IL4R: variants seen among roughly 807,000 people sequenced by gnomAD.
IL4R encodes interleukin 4 receptor.
A neutral mutation model predicts 41.5 loss-of-function variants in IL4R; 17 were observed. The observed-to-expected ratio is 0.41, with a 90% CI of 0.28 to 0.61. The LOEUF is 0.61. Among genes scored for constraint, IL4R ranks in the 20% least tolerant of loss-of-function variants. The pLI is 0.31. For synonymous variants in IL4R, 402 were observed against 422.9 expected (o/e 0.95, Z 0.61); for missense variants, 974 against 1,043.1 (o/e 0.93, Z 0.91).
chr16:27,317,243 A>T (rs1334851941), intron 1 of IL4R, among the ~76,000 whole-genome samples: 1 of 152,094 alleles, frequency 6.6e-6, no homozygotes, highest in African/African-American at 2.4e-5. Flanking sequence ...TTTGAGCTTT[A>T]TTGGTTGGGA....
intron 1 of IL4R, among the ~76,000 whole-genome samples, chr16:27,322,086 T>C (rs28549978): frequency 0.016 from 2,405 of 146,930 alleles, 75 homozygotes; most frequent in African/African-American, 0.057. Context: ...TATCTATATT[T>C]GTTATGTCAC....
chr16:27,328,205 C>CA lies in IL4R; in HGVS notation c.-151-1843dup, dbSNP rs779355998. On this transcript the variant is annotated intron_variant, in intron 1 of 10. Transcript: ENST00000395762. ...CTGGTGACAAAGCTAGGCTCCATCT[C>CA]AAAAAAAAAAAAAAAAAAGATTGTT... is the stretch of plus-strand genomic sequence containing the variant. 2.4e-3 allele frequency among the ~76,000 whole-genome samples: 169 copies of CA among 70,328 alleles called. 1 individual carries two copies. The highest frequency in any genetic ancestry group is 5.5e-3 in the East Asian group (11 of 2,010). The allele number at this position is 70,328 out of a possible 152,430, so 46.1% of individuals were successfully genotyped here. A position where few individuals can be genotyped will look rare whatever the true frequency, so the allele number is the denominator to read the frequency against.
At chr16:27,332,903 T>C (rs1478496363) in intron 2 of IL4R, among the ~76,000 whole-genome samples, 1 of 152,102 alleles carries the variant, frequency 6.6e-6, no homozygotes, top group Non-Finnish European at 1.5e-5. Flanking sequence ...TTAGTTTCTC[T>C]TGTGATTTCT....
At chr16:27,360,485 T>C (rs1162195124) in intron 9 of IL4R, among the ~76,000 whole-genome samples, 1 of 152,208 alleles carries the variant, frequency 6.6e-6, no homozygotes, top group African/African-American at 2.4e-5. Flanking sequence ...TTCCATCACA[T>C]TCTATGGGCC....
rs1197333986 is a variant in IL4R, at chr16:27,345,557, A to C, written c.361+537A>C. On this transcript the variant is annotated intron_variant, in intron 5 of 10. Transcript: ENST00000395762. The surrounding 1 kb of genome is among the most constrained non-coding windows in gnomAD (Gnocchi z 4.5). Reference sequence around the variant, plus strand: ...AATAAAAACCTGAGGTCTCATGGATATGATTGCTTCAAAGGAGACCAAGTT... The same window carrying C: ...AATAAAAACCTGAGGTCTCATGGATCTGATTGCTTCAAAGGAGACCAAGTT... 4.4e-6 allele frequency: 1 copy of C among 225,546 alleles called. No homozygotes were observed. The highest frequency in any genetic ancestry group is 9.1e-6 in the Non-Finnish European group (1 of 109,948). The allele number at this position is 225,546 out of a possible 1,614,324, so 14.0% of individuals were successfully genotyped here. A position where few individuals can be genotyped will look rare whatever the true frequency, so the allele number is the denominator to read the frequency against.
chr16:27,330,878 C>T (rs141550205), intron 2 of IL4R, among the ~76,000 whole-genome samples: 1 of 152,184 alleles, frequency 6.6e-6, no homozygotes, highest in African/African-American at 2.4e-5. Flanking sequence ...CTCTAATGAG[C>T]TGTGAACCCC....
At chr16:27,343,743 A>G (rs1473007703) in intron 4 of IL4R, among the ~76,000 whole-genome samples, 1 of 152,156 alleles carries the variant, frequency 6.6e-6, no homozygotes, top group Non-Finnish European at 1.5e-5. Flanking sequence ...CTTTATCTTA[A>G]TTGAAATAAT....
At chr16:27,332,443 C>T (rs2085138135) in intron 2 of IL4R, among the ~76,000 whole-genome samples, 1 of 152,080 alleles carries the variant, frequency 6.6e-6, no homozygotes, top group South Asian at 2.1e-4. Flanking sequence ...TAATCACCTC[C>T]CATGAGGTCC....
chr16:27,348,336 C>G (rs1356996955), intron 6 of IL4R, among the ~76,000 whole-genome samples: 1 of 152,174 alleles, frequency 6.6e-6, no homozygotes, highest in Admixed American at 6.5e-5. Context: ...TCTCATGCCC[C>G]AGGCCTGTGC....
At chr16:27,356,777 C>T (rs3024649) in intron 8 of IL4R, among the ~76,000 whole-genome samples, 1,586 of 152,210 alleles carry the variant, frequency 0.01, 33 homozygotes, top group African/African-American at 0.036. Flanking sequence ...TGGTAGCTGG[C>T]GGCCGACAAG....
In IL4R at chr16:27,345,717, T is replaced by C. The variant is rs1321921226; in HGVS notation, c.361+697T>C. ...CGGGTGTGGTGGTTCATGCCTATAA[T>C]CCCAGCACTTTGGGAGGCCGAGCCC... On this transcript the variant is annotated intron_variant, in intron 5 of 10. Transcript: ENST00000395762. The surrounding 1 kb of genome is among the most constrained non-coding windows in gnomAD (Gnocchi z 4.5). 1.3e-5 allele frequency: 2 copies of C among 154,616 alleles called. No homozygotes were observed. Among genetic ancestry groups the C allele is most frequent in the Non-Finnish European group, 2.9e-5 (2 of 69,614 alleles). 9.6% of individuals were successfully genotyped at this position (154,616 alleles called of 1,614,324 possible).
chr16:27,350,938 G>A (rs749000988), intron 6 of IL4R, among the ~76,000 whole-genome samples: 4 of 152,270 alleles, frequency 2.6e-5, no homozygotes, highest in Admixed American at 6.5e-5. Context: ...TTCAGTCATC[G>A]CTGTCTTAGT....
In IL4R at chr16:27,364,096, A is replaced by C; in HGVS notation, c.*266A>C. Reference sequence around the variant, plus strand: ...GCCCCACGGCAGGCCCCTGCAGGAAAACTGAGGCCCTTGGGCACCTCGACT... The same window carrying C: ...GCCCCACGGCAGGCCCCTGCAGGAACACTGAGGCCCTTGGGCACCTCGACT... On this transcript the variant is annotated 3_prime_UTR_variant, in exon 11 of 11. Coordinates refer to ENST00000395762, the MANE Select transcript of IL4R (RefSeq NM_000418.4). 1 of 437,598 alleles carries C rather than the reference A, an allele frequency of 2.3e-6. No homozygotes were observed. Among genetic ancestry groups the C allele is most frequent in the Non-Finnish European group, 4.1e-6 (1 of 245,680 alleles). 27.1% of individuals were successfully genotyped at this position (437,598 alleles called of 1,614,324 possible). A position where few individuals can be genotyped will look rare whatever the true frequency, so the allele number is the denominator to read the frequency against.
intron 2 of IL4R, among the ~76,000 whole-genome samples, chr16:27,339,212 C>G (rs2085358157): frequency 6.6e-6 from 1 of 152,094 alleles, no homozygotes; most frequent in African/African-American, 2.4e-5. Flanking sequence ...TCACTATATT[C>G]CCTAGGCTGG....
intron 2 of IL4R, among the ~76,000 whole-genome samples, chr16:27,332,935 G>A (rs547936576): frequency 2.6e-5 from 4 of 151,698 alleles, no homozygotes; most frequent in South Asian, 4.2e-4. Context: ...TATGTTATTC[G>A]GAAGTGTGTT....
chr16:27,314,087 G>A (rs1024381081), intron 1 of IL4R, 67 bp downstream of exon 1: 4 of 985,094 alleles, frequency 4.1e-6, no homozygotes, highest in Admixed American at 6.2e-5. Flanking sequence ...GGCTGAGGGC[G>A]TTCGGGAAGG....
chr16:27,355,672 GGTGGAGGGGTGGTCGGCGGTCAGATC>G, intron 7 of IL4R, 110 bp from the exon 8 acceptor site: 2 of 612,706 alleles, frequency 3.3e-6, no homozygotes, highest in Non-Finnish European at 5.9e-6. Context: ...GGGGAGATGA[GGTGGAGGGGTGGTCGGCGGTCAGATC>G]GTGGAGGGTC....
chr16:27,313,914 T>C (rs1482798853), upstream of IL4R: 3 of 984,058 alleles, frequency 3.0e-6, no homozygotes, highest in Non-Finnish European at 3.6e-6. Flanking sequence ...GGGCTGGGTC[T>C]CCGCGCCCAG....
In IL4R at chr16:27,361,166, T is replaced by A. The variant is rs562810226; in HGVS notation, c.899+351T>A. 3.6e-5 allele frequency: 20 copies of A among 552,556 alleles called. No homozygotes were observed. The South Asian group carries it at 5.9e-4, about 16-fold the overall frequency. The allele number at this position is 552,556 out of a possible 1,614,324, so 34.2% of individuals were successfully genotyped here. A position where few individuals can be genotyped will look rare whatever the true frequency, so the allele number is the denominator to read the frequency against. On this transcript the variant is annotated intron_variant, in intron 10 of 10. Transcript: ENST00000395762. ...CCCTCCTTTTTTTTAATATACAGGA[T>A]CTCACTCTGTGGCCCAGGCTGGTGT...
Sources: gnomAD v4.1 joint callset for allele counts (sites outside exome capture counted in the v4.1 genomes callset) on GRCh38, gnomAD v4.1.1 for gene constraint, Gnocchi (gnomAD v3.1) non-coding constraint, MANE v1.5 for transcripts, NCBI Gene and HGNC (gene_info 2026-07-23, HGNC 2026-07-21) for gene names.